The following AGBL4 variants were observed in gnomAD, a reference collection of about 807,000 sequenced individuals.
The protein encoded by AGBL4 is AGBL carboxypeptidase 4.
Under a neutral mutation model 66.4 loss-of-function variants are expected in AGBL4, and 58 were observed. The observed-to-expected ratio is 0.87, with a 90% CI of 0.71 to 1.09. The LOEUF (loss-of-function observed/expected upper bound fraction) is 1.09, where lower values mean the gene tolerates loss of function less well. Among genes scored for constraint, AGBL4 ranks in the 50% least tolerant of loss-of-function variants. The pLI is 0.00. For synonymous variants in AGBL4, 234 were observed against 222.9 expected (o/e 1.05, Z -0.44); for missense variants, 579 against 631.0 (o/e 0.92, Z 0.88).
At chr1:49,262,393 C>A (rs1327199856) in intron 3 of AGBL4, among the ~76,000 whole-genome samples, 1 of 152,060 alleles carries the variant, frequency 6.6e-6, no homozygotes, top group Non-Finnish European at 1.5e-5. Context: ...AGAAAATTTT[C>A]ACAACCTACT....
At chr1:50,019,092 T>C (rs547782413) in intron 1 of AGBL4, among the ~76,000 whole-genome samples, 4 of 152,044 alleles carry the variant, frequency 2.6e-5, no homozygotes, top group Non-Finnish European at 5.9e-5. Flanking sequence ...CACACCCCAT[T>C]GGGGGTATTA....
At chr1:49,012,584 C>T (rs1662525836) in intron 5 of AGBL4, among the ~76,000 whole-genome samples, 1 of 152,138 alleles carries the variant, frequency 6.6e-6, no homozygotes, top group African/African-American at 2.4e-5. Context: ...GAGAAGAGTC[C>T]TCAAAACTGT....
intron 5 of AGBL4, among the ~76,000 whole-genome samples, chr1:48,992,820 G>A (rs1660708686): frequency 6.6e-6 from 1 of 151,992 alleles, no homozygotes; most frequent in Admixed American, 6.5e-5. Flanking sequence ...CCAAACCCAA[G>A]GGCTCTTCAG....
In AGBL4 at chr1:48,653,430, C is replaced by G. The variant is rs1404427784; in HGVS notation, c.746G>C (p.Ser249Thr). ...VCQGIIDFLVSQHPIACVLRE... is the reference protein window; with the variant it reads ...VCQGIIDFLVTQHPIACVLRE... ...GAGGACACAGGCAATAGGGTGCTGG[C>G]TTACAAGGAAGTCAATGATCCCTAG... is the stretch of plus-strand genomic sequence containing the variant. Residue 249 changes from serine to threonine, a missense_variant, in exon 8 of 14, where the codon AGC (serine) becomes ACC (threonine). Coordinates refer to ENST00000371839, the MANE Select transcript of AGBL4 (RefSeq NM_032785.4). 1 of 1,581,894 alleles carries G rather than the reference C, an allele frequency of 6.3e-7. No homozygotes were observed. Among genetic ancestry groups the G allele is most frequent in the Non-Finnish European group, 8.6e-7 (1 of 1,163,078 alleles).
At chr1:48,789,294 A>ATTT (rs58314536) in intron 6 of AGBL4, among the ~76,000 whole-genome samples, 2 of 131,946 alleles carry the variant, frequency 1.5e-5, no homozygotes, top group African/African-American at 2.8e-5. Flanking sequence ...ATATATATAT[A>ATTT]TTTTTTTTTT....
At chr1:48,929,512 C>T (rs2040070) in intron 5 of AGBL4, among the ~76,000 whole-genome samples, 15,617 of 152,204 alleles carry the variant, frequency 0.1, 898 homozygotes, top group African/African-American at 0.11. Context: ...CTGGAAACCA[C>T]ATCAGATTTT....
intron 2 of AGBL4, among the ~76,000 whole-genome samples, chr1:49,777,442 T>G (rs2147896642): frequency 6.6e-6 from 1 of 152,288 alleles, no homozygotes; most frequent in Admixed American, 6.5e-5. Flanking sequence ...TAAAATATAT[T>G]TAGAATTTAA....
chr1:49,268,957 G>A (rs1278559168), intron 3 of AGBL4: 1 of 152,146 alleles, frequency 6.6e-6, no homozygotes, highest in East Asian at 1.9e-4. Flanking sequence ...GGGCTGATCT[G>A]GTGATTGGTT....
intron 6 of AGBL4, among the ~76,000 whole-genome samples, chr1:48,729,867 T>G (rs1316919920): frequency 6.6e-6 from 1 of 152,022 alleles, no homozygotes; most frequent in African/African-American, 2.4e-5. Context: ...AATCCTCACT[T>G]CATCTTGTCT....
At chr1:49,323,448 ATTTT>A (rs11295329) in intron 3 of AGBL4, among the ~76,000 whole-genome samples, 5 of 114,862 alleles carry the variant, frequency 4.4e-5, no homozygotes, top group South Asian at 2.8e-4. Context: ...TGCCTGGCTA[ATTTT>A]TTTTTTTTTT....
intron 5 of AGBL4, among the ~76,000 whole-genome samples, chr1:48,885,389 G>T (rs1343428): frequency 0.36 from 54,246 of 151,926 alleles, 10,282 homozygotes; most frequent in East Asian, 0.71. Context: ...TTACTCTATT[G>T]CCCTATAAGA....
intron 6 of AGBL4, chr1:48,742,712 G>A (rs964008968): frequency 1.9e-6 from 3 of 1,610,806 alleles, no homozygotes; most frequent in East Asian, 2.2e-5. Flanking sequence ...AAAGTGCTCC[G>A]TAACTCCGGC....
chr1:49,882,431 A>G (rs564387598), intron 1 of AGBL4, among the ~76,000 whole-genome samples: 4 of 151,360 alleles, frequency 2.6e-5, no homozygotes, highest in Non-Finnish European at 4.4e-5. Context: ...GAAGAAAGTC[A>G]TTGGTAGCTT....
intron 3 of AGBL4, among the ~76,000 whole-genome samples, chr1:49,408,055 G>A (rs945935356): frequency 7.9e-5 from 12 of 152,142 alleles, no homozygotes; most frequent in South Asian, 4.2e-4. Flanking sequence ...CTTATTTTTC[G>A]CTTATCAGAC....
intron 4 of AGBL4, among the ~76,000 whole-genome samples, chr1:49,086,765 A>C (rs1057000904): frequency 1.3e-5 from 2 of 152,052 alleles, no homozygotes; most frequent in African/African-American, 4.8e-5. Flanking sequence ...ACTCTGTGGG[A>C]AGGCACATCC....
At chr1:49,026,720 C>T (rs1472452160) in intron 5 of AGBL4, among the ~76,000 whole-genome samples, 1 of 152,106 alleles carries the variant, frequency 6.6e-6, no homozygotes, top group Non-Finnish European at 1.5e-5. Flanking sequence ...CTATTATGAA[C>T]TTAAATGGTG....
intron 6 of AGBL4, among the ~76,000 whole-genome samples, chr1:48,764,323 T>C (rs1042994065): frequency 6.6e-6 from 1 of 152,244 alleles, no homozygotes; most frequent in African/African-American, 2.4e-5. Context: ...GAATAATTCC[T>C]ACTCACGTTG....
At chr1:49,200,755 C>T (rs1384009994) in intron 4 of AGBL4, among the ~76,000 whole-genome samples, 1 of 152,156 alleles carries the variant, frequency 6.6e-6, no homozygotes, top group Non-Finnish European at 1.5e-5. Flanking sequence ...CCTCCATGTG[C>T]TTAGCAATCT....
intron 3 of AGBL4, among the ~76,000 whole-genome samples, chr1:49,596,743 A>G (rs985505328): frequency 5.3e-5 from 8 of 152,218 alleles, no homozygotes; most frequent in African/African-American, 9.6e-5. Flanking sequence ...ACAGATGTTC[A>G]GGTAAATAGG....
Sources: allele counts gnomAD v4.1 joint callset (sites outside exome capture counted in the v4.1 genomes callset), GRCh38; gene constraint gnomAD v4.1.1; transcripts MANE v1.5; gene names NCBI Gene and HGNC (gene_info 2026-07-23, HGNC 2026-07-21).